Variants in DAB1 observed in about 807,000 individuals in gnomAD.
DAB1 encodes DAB adaptor protein 1, also known as disabled homolog 1.
Under a neutral mutation model 64.6 loss-of-function variants are expected in DAB1, and 15 were observed. That is an observed-to-expected ratio of 0.23 (90% CI 0.16 to 0.36). The LOEUF (loss-of-function observed/expected upper bound fraction) is 0.36, where lower values mean the gene tolerates loss of function less well. DAB1 is among the 10% of genes least tolerant of loss of function. The pLI is 1.00. For synonymous variants in DAB1, 235 were observed against 251.9 expected (o/e 0.93, Z 0.64); for missense variants, 596 against 706.7 (o/e 0.84, Z 1.78).
intron 6 of DAB1, among the ~76,000 whole-genome samples, chr1:57,726,911 G>A (rs1001374760): frequency 5.3e-5 from 8 of 152,126 alleles, no homozygotes; most frequent in African/African-American, 1.9e-4. Context: ...AGGAAAACCA[G>A]GGCTAAAACT....
At chr1:58,545,355 A>G (rs2100507648) in intron 1 of DAB1, among the ~76,000 whole-genome samples, 1 of 152,334 alleles carries the variant, frequency 6.6e-6, no homozygotes, top group South Asian at 2.1e-4. Flanking sequence ...AACCATTATC[A>G]TTTCTATCAC....
At chr1:57,603,188 G>A (rs1351295836) in intron 7 of DAB1, among the ~76,000 whole-genome samples, 2 of 152,078 alleles carry the variant, frequency 1.3e-5, no homozygotes, top group African/African-American at 4.8e-5. Context: ...GGTCAGGCTG[G>A]TCGCGAACTC....
chr1:57,183,772 A>G (rs1663234040), intron 2 of DAB1, among the ~76,000 whole-genome samples: 1 of 152,166 alleles, frequency 6.6e-6, no homozygotes, highest in South Asian at 2.1e-4. Context: ...AGGACTCACA[A>G]TTTCCAGGAG....
chr1:57,892,562 G>A (rs1305620641), intron 5 of DAB1, among the ~76,000 whole-genome samples: 1 of 152,168 alleles, frequency 6.6e-6, no homozygotes, highest in East Asian at 1.9e-4. Flanking sequence ...GGTAAATAGT[G>A]GACTTTGGCT....
chr1:58,487,940 C>G (rs997239085), intron 3 of DAB1, among the ~76,000 whole-genome samples: 22 of 152,122 alleles, frequency 1.4e-4, no homozygotes. Context: ...TTTACTTTGT[C>G]TAACTAATCT....
intron 4 of DAB1, among the ~76,000 whole-genome samples, chr1:58,265,982 G>T (rs963648417): frequency 3.3e-5 from 5 of 151,922 alleles, no homozygotes; most frequent in African/African-American, 9.7e-5. Flanking sequence ...GCTTATTTTT[G>T]ATCACTTCAA....
At chr1:57,940,903 C>T (rs944755628) in intron 5 of DAB1, among the ~76,000 whole-genome samples, 4 of 152,132 alleles carry the variant, frequency 2.6e-5, no homozygotes, top group African/African-American at 7.2e-5. Context: ...GGAATCCCTA[C>T]GTGATGGGGA....
At chr1:57,679,294 A>C (rs139062400) in intron 6 of DAB1, among the ~76,000 whole-genome samples, 85 of 152,286 alleles carry the variant, frequency 5.6e-4, no homozygotes, top group African/African-American at 2.0e-3. Flanking sequence ...AGAAACTAAG[A>C]TTCCTCTCCA....
Position 57,789,404 on chromosome 1 carries a change from C to T in DAB1, n.551+94595G>A, listed in dbSNP as rs151258798. 5.2e-3 allele frequency among the ~76,000 whole-genome samples: 786 copies of T among 152,302 alleles called. 4 individuals are homozygous for T. The highest frequency in any genetic ancestry group is 0.016 in the African/African-American group (685 of 41,564). On this transcript the variant is annotated intron_variant and non_coding_transcript_variant, in intron 6 of 20. Transcript: ENST00000485760. ...GATATAACAGAGTACCTCAGACTTACACAACAGAAATGGGTGGCTTGAACA... is the reference window on the plus strand; with the variant it reads ...GATATAACAGAGTACCTCAGACTTATACAACAGAAATGGGTGGCTTGAACA...
chr1:57,818,103 A>G (rs1447434648), intron 6 of DAB1, among the ~76,000 whole-genome samples: 1 of 152,194 alleles, frequency 6.6e-6, no homozygotes, highest in Non-Finnish European at 1.5e-5. Flanking sequence ...TCTGCTTTCT[A>G]TTGATCACAA....
chr1:57,626,352 A>C (rs1370940875), intron 7 of DAB1, among the ~76,000 whole-genome samples: 2 of 152,206 alleles, frequency 1.3e-5, no homozygotes, highest in Non-Finnish European at 2.9e-5. Flanking sequence ...TGGTGGCCTA[A>C]ATCTATTACT....
intron 5 of DAB1, among the ~76,000 whole-genome samples, chr1:58,132,233 C>CGGTCAGCACCAGGTGCG (rs1653649772): frequency 6.6e-6 from 1 of 152,116 alleles, no homozygotes; most frequent in African/African-American, 2.4e-5. Flanking sequence ...AGGTGCGGTC[C>CGGTCAGCACCAGGTGCG]GTCAGCGATT....
intron 6 of DAB1, among the ~76,000 whole-genome samples, chr1:57,760,384 T>C (rs554719137): frequency 4.6e-5 from 7 of 152,086 alleles, no homozygotes; most frequent in African/African-American, 1.7e-4. Context: ...AAATAAAATA[T>C]AAAGCATTTT....
At chr1:57,432,278 CCTT>C (rs762840795) in intron 7 of DAB1, among the ~76,000 whole-genome samples, 1 of 152,144 alleles carries the variant, frequency 6.6e-6, no homozygotes, top group South Asian at 2.1e-4. Flanking sequence ...GGCCATTCCT[CCTT>C]CTTCTAAAAC....
At chr1:57,558,690 T>C (rs1645017393) in intron 7 of DAB1, among the ~76,000 whole-genome samples, 1 of 152,154 alleles carries the variant, frequency 6.6e-6, no homozygotes, top group Non-Finnish European at 1.5e-5. Context: ...ATGTTGCAGC[T>C]TGGGGAGTTA....
chr1:58,539,846 C>T (rs1247756198), intron 1 of DAB1, among the ~76,000 whole-genome samples: 1 of 152,058 alleles, frequency 6.6e-6, no homozygotes, highest in Non-Finnish European at 1.5e-5. Context: ...CCAGTGGTTC[C>T]CCTAAATCGA....
chr1:57,614,571 A>G (rs1645766707), intron 7 of DAB1, among the ~76,000 whole-genome samples: 1 of 152,212 alleles, frequency 6.6e-6, no homozygotes, highest in Non-Finnish European at 1.5e-5. Context: ...TGTAAGGAGT[A>G]AGTAAGTCCT....
chr1:57,463,208 G>A (rs1686845697), intron 7 of DAB1, among the ~76,000 whole-genome samples: 1 of 152,158 alleles, frequency 6.6e-6, no homozygotes, highest in Admixed American at 6.5e-5. Context: ...TGGCTTTGTG[G>A]AGCCTCAATC....
rs1438403850 is a variant in DAB1, at chr1:58,492,692, T to C, written n.257+13368A>G. On this transcript the variant is annotated intron_variant and non_coding_transcript_variant, in intron 3 of 20. Transcript: ENST00000485760. ...AGAAATGGATAAATTCCTGGACACATACAGTCTCCCAAGACTAAACCAGGA... is the reference window on the plus strand; with the variant it reads ...AGAAATGGATAAATTCCTGGACACACACAGTCTCCCAAGACTAAACCAGGA... 3.9e-5 allele frequency among the ~76,000 whole-genome samples: 6 copies of C among 152,256 alleles called. No homozygotes were observed. The East Asian group carries it at 9.7e-4, about 24-fold the overall frequency.
Sources: allele counts gnomAD v4.1 joint callset (sites outside exome capture counted in the v4.1 genomes callset), GRCh38; gene constraint gnomAD v4.1.1; transcripts MANE v1.5; gene names NCBI Gene and HGNC (gene_info 2026-07-23, HGNC 2026-07-21).